Variants in MBNL2 observed in about 807,000 individuals in gnomAD.
The protein encoded by MBNL2 is muscleblind-like protein 2.
Under a neutral mutation model 41.9 loss-of-function variants are expected in MBNL2, and 17 were observed. The ratio of observed to expected loss-of-function variants is 0.41; its 90% CI spans 0.28 to 0.61. The LOEUF (loss-of-function observed/expected upper bound fraction) is 0.61. Among genes scored for constraint, MBNL2 ranks in the 20% least tolerant of loss-of-function variants. The probability of loss-of-function intolerance (pLI) is 0.35; values close to 1 mark genes in which losing one functional copy is unlikely to be tolerated. For synonymous variants in MBNL2, 195 were observed against 182.9 expected (o/e 1.07, Z -0.53); for missense variants, 336 against 505.6 (o/e 0.66, Z 3.22).
the MBNL2 span, among the ~76,000 whole-genome samples, chr13:97,206,709 A>T: frequency 9.9e-5 from 15 of 152,152 alleles, no homozygotes; most frequent in African/African-American, 3.6e-4. Flanking sequence ...CTGCTCAATC[A>T]GTTGTAGTAA....
chr13:97,385,635 A>G (rs2065863493), intron 8 of MBNL2, among the ~76,000 whole-genome samples: 1 of 152,228 alleles, frequency 6.6e-6, no homozygotes, highest in South Asian at 2.1e-4. Flanking sequence ...CTTTGAAATG[A>G]GCACTTTTAC....
At chr13:97,306,150 C>A (rs544841526) in intron 2 of MBNL2, among the ~76,000 whole-genome samples, 171 of 152,306 alleles carry the variant, frequency 1.1e-3, no homozygotes, top group African/African-American at 3.7e-3. Context: ...CCTCTTTCCC[C>A]AGTGTCCCTA....
At chr13:97,265,896 G>C (rs1408039578) in intron 1 of MBNL2, among the ~76,000 whole-genome samples, 2 of 151,914 alleles carry the variant, frequency 1.3e-5, no homozygotes, top group Admixed American at 6.6e-5. Flanking sequence ...TAGAAAAGCT[G>C]GTCTTGTCCT....
Position 97,366,010 on chromosome 13 carries a change from C to T in MBNL2, c.1048+839C>T, listed in dbSNP as rs925701607. Among the ~76,000 whole-genome samples, 1 of 152,076 alleles carries T rather than the reference C, an allele frequency of 6.6e-6. No homozygotes were observed. Among genetic ancestry groups the T allele is most frequent in the African/African-American group, 2.4e-5 (1 of 41,400 alleles). On this transcript the variant is annotated intron_variant, in intron 8 of 8. Coordinates refer to ENST00000679496, the MANE Select transcript of MBNL2 (RefSeq NM_001382683.1). This position sits in a 1 kb window ranked among gnomAD's most constrained non-coding sequence, Gnocchi z 4.7. ...TTTAACCATAATTCCAAAGAACATC[C>T]TATCCCAAATTAGGTCTCCATATGG...
At chr13:97,344,052 A>C (rs1291425743) in intron 4 of MBNL2, among the ~76,000 whole-genome samples, 1 of 152,146 alleles carries the variant, frequency 6.6e-6, no homozygotes, top group Non-Finnish European at 1.5e-5. Context: ...GTGATCCGCC[A>C]GCCTCGGCCT....
intron 8 of MBNL2, among the ~76,000 whole-genome samples, chr13:97,373,072 G>A (rs1306857862): frequency 6.6e-6 from 1 of 152,144 alleles, no homozygotes; most frequent in Non-Finnish European, 1.5e-5. Flanking sequence ...TGGTAAAGTG[G>A]CCAGCCTCTA....
intron 5 of MBNL2, among the ~76,000 whole-genome samples, chr13:97,355,609 G>GT (rs575914371): frequency 0.023 from 3,382 of 148,012 alleles, 41 homozygotes; most frequent in Non-Finnish European, 0.033. Flanking sequence ...AGAATTTTTA[G>GT]TTTTTTTTTT....
At chr13:97,254,311 CTT>C (rs928112494) in intron 1 of MBNL2, among the ~76,000 whole-genome samples, 3 of 152,112 alleles carry the variant, frequency 2.0e-5, no homozygotes, top group African/African-American at 7.2e-5. Flanking sequence ...GTTAATATTT[CTT>C]TCTCTTTGAA....
At chr13:97,338,098 T>C (rs2061042815) in intron 3 of MBNL2, among the ~76,000 whole-genome samples, 1 of 152,250 alleles carries the variant, frequency 6.6e-6, no homozygotes, top group Non-Finnish European at 1.5e-5. Context: ...CACTCCCTTA[T>C]GTGCCCCTCC....
chr13:97,366,717 T>C lies in MBNL2; in HGVS notation c.1048+1546T>C. 1 of 685,294 alleles carries C rather than the reference T, an allele frequency of 1.5e-6. No individual in the cohort carries two copies. The highest frequency in any genetic ancestry group is 2.2e-5 in the Admixed American group (1 of 44,874). 42.5% of individuals were successfully genotyped at this position (685,294 alleles called of 1,614,324 possible). A position where few individuals can be genotyped will look rare whatever the true frequency, so the allele number is the denominator to read the frequency against. ...CATTTACAGACAGGTTGCACTTATT[T>C]AGAGTTAACATTTACTGCAAATAAT... On this transcript the variant is annotated intron_variant, in intron 8 of 8. Transcript: ENST00000679496. This position sits in a 1 kb window ranked among gnomAD's most constrained non-coding sequence, Gnocchi z 4.7.
At chr13:97,375,615 C>T (rs149539763) in intron 8 of MBNL2, among the ~76,000 whole-genome samples, 9 of 152,296 alleles carry the variant, frequency 5.9e-5, no homozygotes, top group Admixed American at 5.2e-4. Context: ...TTAAACCCAC[C>T]GGGACTCTGT....
At chr13:97,231,352 T>C (rs905312412) in intron 1 of MBNL2, among the ~76,000 whole-genome samples, 1 of 152,188 alleles carries the variant, frequency 6.6e-6, no homozygotes, top group Non-Finnish European at 1.5e-5. Context: ...ATTCTACATT[T>C]GTAACAGGCT....
chr13:97,233,406 G>A (rs1382998671), intron 1 of MBNL2, among the ~76,000 whole-genome samples: 5 of 133,794 alleles, frequency 3.7e-5, no homozygotes, highest in African/African-American at 1.4e-4. Flanking sequence ...CTAGTGCTCT[G>A]CCTGCTCCTG....
chr13:97,279,685 G>A (rs947694220), intron 2 of MBNL2, among the ~76,000 whole-genome samples: 13 of 152,134 alleles, frequency 8.5e-5, no homozygotes, highest in Non-Finnish European at 1.6e-4. Flanking sequence ...TTATAACTGC[G>A]AAAGGAATCT....
At chr13:97,256,147 G>C (rs1273363268) in intron 1 of MBNL2, among the ~76,000 whole-genome samples, 2 of 152,162 alleles carry the variant, frequency 1.3e-5, no homozygotes, top group Non-Finnish European at 2.9e-5. Context: ...TGACAGAACA[G>C]TTGGATTAAA....
chr13:97,292,132 C>T (rs191969787), intron 2 of MBNL2, among the ~76,000 whole-genome samples: 2,455 of 140,480 alleles, frequency 0.017, 60 homozygotes, highest in African/African-American at 0.053. Flanking sequence ...ACCCGGGACG[C>T]GGAGCTTGAA....
At chr13:97,347,188 C>T (rs895240623) in intron 5 of MBNL2, 121 bp downstream of exon 5, 9 of 762,790 alleles carry the variant, frequency 1.2e-5, no homozygotes, top group East Asian at 6.0e-5. Flanking sequence ...CCTGCTGCTC[C>T]GCTGCCTAAG....
the MBNL2 span, among the ~76,000 whole-genome samples, chr13:97,187,189 T>C: frequency 3.3e-5 from 5 of 152,146 alleles, no homozygotes; most frequent in Non-Finnish European, 5.9e-5. Context: ...AGAAAGTATG[T>C]AATTTTTGTT....
At chr13:97,219,978 C>A (rs1330298148), upstream of MBNL2, among the ~76,000 whole-genome samples, 1 of 152,110 alleles carries the variant, frequency 6.6e-6, no homozygotes, top group Non-Finnish European at 1.5e-5. Flanking sequence ...AGGTGTTAAA[C>A]CTGAAAGACT....
Sources: gnomAD v4.1 joint callset for allele counts (sites outside exome capture counted in the v4.1 genomes callset) on GRCh38, gnomAD v4.1.1 for gene constraint, Gnocchi (gnomAD v3.1) non-coding constraint, MANE v1.5 for transcripts, NCBI Gene and HGNC (gene_info 2026-07-23, HGNC 2026-07-21) for gene names.